USP53: variants seen among roughly 807,000 people sequenced by gnomAD.
USP53 encodes the protein ubiquitin specific peptidase 53.
Under a neutral mutation model 94.9 loss-of-function variants are expected in USP53, and 71 were observed. The observed-to-expected ratio is 0.75, with a 90% CI of 0.62 to 0.91. The LOEUF is 0.91. USP53 is among the 40% of genes least tolerant of loss of function. The pLI, the probability that USP53 is intolerant of heterozygous loss-of-function variation, is 0.00. For missense variants in USP53, 1,173 were observed against 1,281.0 expected, an observed-to-expected ratio of 0.92 and a Z score of 1.29; for synonymous variants, 375 against 422.7, an observed-to-expected ratio of 0.89 and a Z score of 1.39.
chr4:119,214,563 G>T (rs1212791096), intron 2 of USP53, among the ~76,000 whole-genome samples: 1 of 148,452 alleles, frequency 6.7e-6, no homozygotes, highest in East Asian at 2.0e-4. Context: ...TTTTAAAAAA[G>T]ATATTTTAAT....
intron 2 of USP53, among the ~76,000 whole-genome samples, chr4:119,215,929 A>G (rs149055281): frequency 6.6e-6 from 1 of 152,328 alleles, no homozygotes; most frequent in Non-Finnish European, 1.5e-5. Context: ...TTAGTTTTCA[A>G]TTTTACACAT....
At chr4:119,217,155 T>C (rs1335474483) in intron 2 of USP53, among the ~76,000 whole-genome samples, 1 of 152,162 alleles carries the variant, frequency 6.6e-6, no homozygotes, top group Non-Finnish European at 1.5e-5. Flanking sequence ...GGGTATGGAT[T>C]CCATCCTTGT....
Position 119,292,585 on chromosome 4 carries a change from C to T in USP53, c.2596C>T (p.His866Tyr), listed in dbSNP as rs371500754. ...TGAACCATCTTCATTATGGTCTTCACACCTAAGAACTGTTGGGTTAAAGCC... is the reference window on the plus strand; with the variant it reads ...TGAACCATCTTCATTATGGTCTTCATACCTAAGAACTGTTGGGTTAAAGCC... ...SNEPSSLWSSHLRTVGLKPET... is the reference protein window; with the variant it reads ...SNEPSSLWSSYLRTVGLKPET... Residue 866 changes from histidine to tyrosine, a missense_variant, in exon 19 of 19, where the codon CAC (histidine) becomes TAC (tyrosine). Transcript: ENST00000692078. 6.2e-7 allele frequency: 1 copy of T among 1,614,050 alleles called. No individual in the cohort carries two copies. Among genetic ancestry groups the T allele is most frequent in the Admixed American group, 1.7e-5 (1 of 60,006 alleles).
chr4:119,222,681 C>A (rs1461545255), intron 3 of USP53, among the ~76,000 whole-genome samples: 2 of 152,078 alleles, frequency 1.3e-5, no homozygotes, highest in Admixed American at 6.5e-5. Flanking sequence ...ACCACATTTT[C>A]TTTATCCATT....
chr4:119,236,605 C>A (rs1746795569), intron 4 of USP53, among the ~76,000 whole-genome samples: 1 of 152,236 alleles, frequency 6.6e-6, no homozygotes, highest in African/African-American at 2.4e-5. Context: ...ACAGCATCTT[C>A]ACCAGAAGTT....
intron 9 of USP53, among the ~76,000 whole-genome samples, chr4:119,259,509 A>G (rs1053117436): frequency 6.6e-6 from 1 of 152,196 alleles, no homozygotes; most frequent in Admixed American, 6.5e-5. Flanking sequence ...CTCATTAAGT[A>G]ATAATACAAA....
chr4:119,274,151 G>T (rs1174173649), intron 17 of USP53, among the ~76,000 whole-genome samples: 1 of 150,144 alleles, frequency 6.7e-6, no homozygotes, highest in African/African-American at 2.5e-5. Flanking sequence ...ACATTGTGCA[G>T]GTTAGTTACA....
chr4:119,257,850 A>G (rs940446532), intron 9 of USP53, among the ~76,000 whole-genome samples: 2 of 152,194 alleles, frequency 1.3e-5, no homozygotes, highest in African/African-American at 4.8e-5. Context: ...ATGGTGTTCA[A>G]AGATAGACAA....
intron 17 of USP53, among the ~76,000 whole-genome samples, chr4:119,283,818 G>A (rs1054622618): frequency 1.3e-5 from 2 of 151,798 alleles, no homozygotes; most frequent in Non-Finnish European, 2.9e-5. Context: ...GCATTATTAG[G>A]CAGTTAGGAA....
chr4:119,261,837 A>AT lies in USP53; in HGVS notation c.951dup (p.Asp318Ter). On this transcript the variant is annotated frameshift_variant, in exon 12 of 19. Transcript: ENST00000692078. LOFTEE classifies it high-confidence loss of function. ...TTCACACCAAAAGTTCCAAATGGGTATTTTTTGATGATGCAAATGTGAAAG... is the reference window on the plus strand; with the variant it reads ...TTCACACCAAAAGTTCCAAATGGGTATTTTTTTGATGATGCAAATGTGAAAG... The AT allele has an allele frequency of 6.7e-7, 1 of 1,488,518 alleles. No individual in the cohort carries two copies. Among genetic ancestry groups the AT allele is most frequent in the Non-Finnish European group, 9.1e-7 (1 of 1,099,752 alleles). The allele number at this position is 1,488,518 out of a possible 1,614,324, so 92.2% of individuals were successfully genotyped here.
chr4:119,269,083 C>CA (rs535565722), intron 14 of USP53, among the ~76,000 whole-genome samples: 153 of 152,238 alleles, frequency 1.0e-3, no homozygotes, highest in Middle Eastern at 3.4e-3. Flanking sequence ...CAGTTATCCA[C>CA]AAAAAACTAA....
intron 15 of USP53, among the ~76,000 whole-genome samples, chr4:119,270,647 A>C (rs944690870): frequency 1.3e-5 from 2 of 152,136 alleles, no homozygotes; most frequent in Non-Finnish European, 2.9e-5. Context: ...CCATTTCCAC[A>C]TTATAAGCAT....
At chr4:119,290,200 TAGAG>T (rs1181291367) in intron 17 of USP53, among the ~76,000 whole-genome samples, 3 of 152,102 alleles carry the variant, frequency 2.0e-5, no homozygotes, top group Admixed American at 6.5e-5. Context: ...TAGCTATAAT[TAGAG>T]AGAGAGAAAA....
intron 11 of USP53, among the ~76,000 whole-genome samples, chr4:119,261,330 G>A (rs1256758883): frequency 6.6e-6 from 1 of 151,886 alleles, no homozygotes; most frequent in East Asian, 1.9e-4. Context: ...TTAAAGTTTT[G>A]GATAATTATC....
At chr4:119,222,962 C>G (rs1744747845) in intron 3 of USP53, among the ~76,000 whole-genome samples, 1 of 151,988 alleles carries the variant, frequency 6.6e-6, no homozygotes, top group South Asian at 2.1e-4. Flanking sequence ...AATAAAATAA[C>G]AGATGTATAT....
intron 7 of USP53, among the ~76,000 whole-genome samples, chr4:119,254,162 A>C (rs1235511027): frequency 6.6e-6 from 1 of 151,994 alleles, no homozygotes; most frequent in Non-Finnish European, 1.5e-5. Context: ...TTTTTCCTGC[A>C]TTTCAATCTT....
At chr4:119,274,470 G>C (rs1482861925) in intron 17 of USP53, among the ~76,000 whole-genome samples, 1 of 151,978 alleles carries the variant, frequency 6.6e-6, no homozygotes, top group Non-Finnish European at 1.5e-5. Flanking sequence ...GTGTATATGT[G>C]CCACATTTTC....
At chr4:119,286,256 T>TA (rs1754098460) in intron 17 of USP53, among the ~76,000 whole-genome samples, 1 of 124,070 alleles carries the variant, frequency 8.1e-6, no homozygotes, top group Non-Finnish European at 1.9e-5. Flanking sequence ...TAAACATAGG[T>TA]CTTTTTTTTA....
chr4:119,248,448 G>A (rs750659241), intron 6 of USP53, among the ~76,000 whole-genome samples: 2 of 145,450 alleles, frequency 1.4e-5, no homozygotes, highest in Admixed American at 6.9e-5. Flanking sequence ...ATTATTTTCC[G>A]AAATACAGGT....
Sources: gnomAD v4.1 joint callset for allele counts (sites outside exome capture counted in the v4.1 genomes callset) on GRCh38, gnomAD v4.1.1 for gene constraint, MANE v1.5 for transcripts, NCBI Gene and HGNC (gene_info 2026-07-23, HGNC 2026-07-21) for gene names.